Variants in BIRC6 observed in about 807,000 individuals in gnomAD.
The protein encoded by BIRC6 is baculoviral IAP repeat containing 6, also known as dual E2 ubiquitin-conjugating enzyme/E3 ubiquitin-protein ligase BIRC6.
In BIRC6, 98 loss-of-function variants were observed where a neutral mutation model predicts 503.3. The observed-to-expected ratio is 0.19, with a 90% CI of 0.17 to 0.23. BIRC6 has a LOEUF of 0.23. Ranked by LOEUF, BIRC6 falls within the 10% of genes least tolerant of loss-of-function variation. The pLI is 1.00. For synonymous variants in BIRC6, 2,240 were observed against 2,078.7 expected, an observed-to-expected ratio of 1.08 and a Z score of -2.11; for missense variants, 5,360 against 5,806.0, an observed-to-expected ratio of 0.92 and a Z score of 2.50.
At chr2:32,601,662 G>C (rs577710585) in intron 70 of BIRC6, among the ~76,000 whole-genome samples, 1 of 152,252 alleles carries the variant, frequency 6.6e-6, no homozygotes. Context: ...TACAAAATCT[G>C]ATGAGTATAT....
chr2:32,479,163 A>G (rs923444489), intron 36 of BIRC6, among the ~76,000 whole-genome samples: 1 of 152,212 alleles, frequency 6.6e-6, no homozygotes, highest in African/African-American at 2.4e-5. Flanking sequence ...CATAAGGATA[A>G]TAAGGATAAT....
At chr2:32,481,247 A>T (rs2149188816) in intron 37 of BIRC6, 73 bp from the exon 38 acceptor site, 1 of 1,317,256 alleles carries the variant, frequency 7.6e-7, no homozygotes, top group East Asian at 2.7e-5. Context: ...AACTTTTTTT[A>T]ACTAAAAGCA....
Position 32,527,347 on chromosome 2 carries a change from A to C in BIRC6, c.11920+1719A>C, listed in dbSNP as rs1225756290. On this transcript the variant is annotated intron_variant, in intron 59 of 73. Coordinates refer to ENST00000421745, the MANE Select transcript of BIRC6 (RefSeq NM_016252.4). ...ATTCATCCTCCAGCTAAAATTCTCAAAACTAATGTTTATGCCATGTACTTT... is the reference window on the plus strand; with the variant it reads ...ATTCATCCTCCAGCTAAAATTCTCACAACTAATGTTTATGCCATGTACTTT... The C allele has an allele frequency of 2.6e-5, 4 of 152,198 alleles. No homozygotes were observed. The East Asian group carries it at 7.7e-4, about 29-fold the overall frequency. The allele number at this position is 152,198 out of a possible 1,614,324, so 9.4% of individuals were successfully genotyped here. A position where few individuals can be genotyped will look rare whatever the true frequency, so the allele number is the denominator to read the frequency against.
chr2:32,376,940 G>A (rs530089521), intron 1 of BIRC6, among the ~76,000 whole-genome samples: 4 of 152,224 alleles, frequency 2.6e-5, no homozygotes, highest in Admixed American at 2.6e-4. Flanking sequence ...TCTATTGACT[G>A]GGTAACTGAA....
chr2:32,502,733 T>C, intron 47 of BIRC6, 62 bp from the exon 48 acceptor site: 3 of 1,261,970 alleles, frequency 2.4e-6, no homozygotes, highest in South Asian at 1.4e-5. Flanking sequence ...ATTACATGCA[T>C]TGAGTTTAGT....
chr2:32,437,850 T>C (rs1015806258), intron 15 of BIRC6, among the ~76,000 whole-genome samples: 13 of 152,220 alleles, frequency 8.5e-5, no homozygotes, highest in Admixed American at 2.6e-4. Flanking sequence ...CATGCTGGGA[T>C]ACAGTAGTGA....
intron 1 of BIRC6, among the ~76,000 whole-genome samples, chr2:32,367,670 G>A (rs1165702532): frequency 1.3e-5 from 2 of 151,926 alleles, no homozygotes; most frequent in South Asian, 2.1e-4. Flanking sequence ...ACAAAAATTA[G>A]CTGGGTGTGG....
At chr2:32,387,404 AC>A (rs1573847921) in intron 3 of BIRC6, among the ~76,000 whole-genome samples, 2 of 151,116 alleles carry the variant, frequency 1.3e-5, no homozygotes, top group East Asian at 3.9e-4. Flanking sequence ...CCTTGAGTAT[AC>A]TAGACAAGAG....
At chr2:32,607,698 C>T (rs2062562894) in intron 72 of BIRC6, 55 bp downstream of exon 72, 7 of 1,461,608 alleles carry the variant, frequency 4.8e-6, no homozygotes, top group Non-Finnish European at 6.5e-6. Context: ...ACAATATAGG[C>T]TGGGCATGGT....
intron 6 of BIRC6, among the ~76,000 whole-genome samples, chr2:32,396,902 G>C (rs1573919039): frequency 6.6e-6 from 1 of 151,780 alleles, no homozygotes; most frequent in African/African-American, 2.4e-5. Context: ...TGATTTTTGT[G>C]TTTTTAGTAG....
At chr2:32,606,757 G>A (rs1207969322) in intron 71 of BIRC6, among the ~76,000 whole-genome samples, 1 of 152,022 alleles carries the variant, frequency 6.6e-6, no homozygotes, top group Admixed American at 6.6e-5. Context: ...TGTAATCCCA[G>A]CACTTTGGGA....
chr2:32,584,233 TAAAA>T (rs552161728), intron 66 of BIRC6, among the ~76,000 whole-genome samples: 1 of 152,064 alleles, frequency 6.6e-6, no homozygotes, highest in East Asian at 1.9e-4. Context: ...TATTTAAATT[TAAAA>T]AAATTTTTTT....
intron 45 of BIRC6, among the ~76,000 whole-genome samples, chr2:32,497,286 G>A (rs1465245167): frequency 2.6e-5 from 4 of 152,150 alleles, no homozygotes; most frequent in Non-Finnish European, 5.9e-5. Context: ...TGGCCCAATC[G>A]GCATATGCCA....
rs141984083 is a variant in BIRC6 at position 32,515,629 on chromosome 2, C to T, written c.11208C>T (p.Thr3736=). ...GCCATAATTTAGGTGCACAACAGACCAGTGCAAGATCAGCTTCTCTTTCTT... is the reference window on the plus strand; with the variant it reads ...GCCATAATTTAGGTGCACAACAGACTAGTGCAAGATCAGCTTCTCTTTCTT... ...SGSHNLGAQQ[T]SARSASLSSA... The change falls in exon 55 of 74, where the codon ACC becomes ACT. Residue 3736 remains threonine (T), a synonymous_variant. Transcript: ENST00000421745. 1 of 1,613,040 alleles carries T rather than the reference C, an allele frequency of 6.2e-7. No individual in the cohort carries two copies. The highest frequency in any genetic ancestry group is 2.2e-5 in the East Asian group (1 of 44,870).
intron 46 of BIRC6, 99 bp from the exon 47 acceptor site, chr2:32,501,614 A>T: frequency 1.0e-6 from 1 of 974,372 alleles, no homozygotes; most frequent in Non-Finnish European, 1.5e-6. Flanking sequence ...CAGGTGATCC[A>T]CCTGCCTCGG....
At chr2:32,613,299 C>T (rs564661443) in intron 73 of BIRC6, among the ~76,000 whole-genome samples, 1 of 152,142 alleles carries the variant, frequency 6.6e-6, no homozygotes, top group East Asian at 1.9e-4. Flanking sequence ...ATTTATCTGC[C>T]TCAGCCTCCT....
chr2:32,363,304 A>C (rs2034396942), intron 1 of BIRC6, among the ~76,000 whole-genome samples: 1 of 152,206 alleles, frequency 6.6e-6, no homozygotes, highest in South Asian at 2.1e-4. Context: ...CCTGGGCAAC[A>C]GAGCAAGACT....
chr2:32,561,322 ACC>A (rs1343886001), intron 65 of BIRC6, among the ~76,000 whole-genome samples: 1 of 149,280 alleles, frequency 6.7e-6, no homozygotes, highest in Non-Finnish European at 1.5e-5. Context: ...GCTCACTGCA[ACC>A]TCCACTTCCC....
chr2:32,435,465 G>C, intron 13 of BIRC6, 31 bp from the exon 14 acceptor site: 1 of 1,540,660 alleles, frequency 6.5e-7, no homozygotes, highest in South Asian at 1.2e-5. Context: ...AACAGCAGTA[G>C]ATAGGCAGAT....
Sources: allele counts gnomAD v4.1 joint callset (sites outside exome capture counted in the v4.1 genomes callset), GRCh38; gene constraint gnomAD v4.1.1; transcripts MANE v1.5; gene names NCBI Gene and HGNC (gene_info 2026-07-23, HGNC 2026-07-21).